The following SDK2 variants were observed in gnomAD, a reference collection of about 807,000 sequenced individuals.
SDK2 encodes the protein protein sidekick-2.
SDK2 carries 105 observed loss-of-function variants against 253.9 expected under a neutral mutation model. The observed-to-expected ratio is 0.41, with a 90% confidence interval of 0.35 to 0.49. The LOEUF (loss-of-function observed/expected upper bound fraction) is 0.49. Ranked by LOEUF, SDK2 falls within the 20% of genes least tolerant of loss-of-function variation. SDK2 has a pLI of 0.06. For missense variants in SDK2, 2,608 were observed against 3,003.0 expected (o/e 0.87, Z 3.07); for synonymous variants, 1,249 against 1,234.9 (o/e 1.01, Z -0.24).
At chr17:73,360,554 C>T (rs2062631694) in intron 39 of SDK2, among the ~76,000 whole-genome samples, 1 of 150,264 alleles carries the variant, frequency 6.7e-6, no homozygotes, top group South Asian at 2.1e-4. Context: ...GGACATTCTA[C>T]ACTGACCAGT....
At chr17:73,566,601 A>C (rs528354033) in intron 1 of SDK2, among the ~76,000 whole-genome samples, 11 of 152,314 alleles carry the variant, frequency 7.2e-5, no homozygotes, top group Non-Finnish European at 1.0e-4. Flanking sequence ...TATAGATAGC[A>C]AAGCCCAGGC....
In SDK2 at chr17:73,399,279, C is replaced by T. The variant is rs139261927; in HGVS notation, c.2982G>A (p.Gly994=). 8.1e-6 allele frequency: 13 copies of T among 1,613,500 alleles called. No individual in the cohort carries two copies. Among genetic ancestry groups the T allele is most frequent in the Middle Eastern group, 1.6e-4 (1 of 6,084 alleles). Residue 994 remains glycine, a synonymous_variant, in exon 22 of 45, where the codon GGG becomes GGA. Transcript: ENST00000392650. ...ISSGVPPELP[G]PPTNLGISNI... ...TGGAAATGCCCAGGTTGGTGGGGGG[C>T]CCTGGGAGTTCTGGAAAAGGAGAAC...
At chr17:73,354,401 C>T (rs4969109) in intron 40 of SDK2, among the ~76,000 whole-genome samples, 1 of 152,160 alleles carries the variant, frequency 6.6e-6, no homozygotes, top group African/African-American at 2.4e-5. Context: ...GGGTCAGGGA[C>T]GAGGCAAGCC....
intron 15 of SDK2, among the ~76,000 whole-genome samples, chr17:73,420,889 T>G (rs1225326710): frequency 6.6e-6 from 1 of 152,160 alleles, no homozygotes; most frequent in Non-Finnish European, 1.5e-5. Context: ...TTGGCCAGGC[T>G]GGTCTCGAAC....
At chr17:73,448,013 G>A (rs546698834) in intron 4 of SDK2, among the ~76,000 whole-genome samples, 28 of 152,212 alleles carry the variant, frequency 1.8e-4, no homozygotes, top group African/African-American at 6.5e-4. Context: ...CCACCCAAAG[G>A]AAGCTTCCCT....
intron 1 of SDK2, among the ~76,000 whole-genome samples, chr17:73,508,520 G>T (rs1289120001): frequency 6.6e-6 from 1 of 152,192 alleles, no homozygotes; most frequent in Non-Finnish European, 1.5e-5. Context: ...TGTGGATAGG[G>T]TGGGGCCGGG....
At chr17:73,350,209 C>CA (rs760646905) in intron 43 of SDK2, 28 bp downstream of exon 43, 3 of 1,529,000 alleles carry the variant, frequency 2.0e-6, no homozygotes, top group East Asian at 2.4e-5. Context: ...CTGGGCCTGG[C>CA]CCCCAACCCA....
chr17:73,544,586 A>T (rs563036556), intron 1 of SDK2, among the ~76,000 whole-genome samples: 1 of 152,310 alleles, frequency 6.6e-6, no homozygotes, highest in South Asian at 2.1e-4. Flanking sequence ...GTGTGTATGG[A>T]TGGACAGAAT....
In SDK2 at chr17:73,570,947, T is replaced by C. The variant is rs1599688547; in HGVS notation, c.65-63350A>G. Among the ~76,000 whole-genome samples the C allele has an allele frequency of 6.6e-6, 1 of 152,058 alleles. No individual in the cohort carries two copies. The highest frequency in any genetic ancestry group is 1.5e-5 in the Non-Finnish European group (1 of 68,000). On this transcript the variant is annotated intron_variant, in intron 1 of 44. Coordinates refer to ENST00000392650, the MANE Select transcript of SDK2 (RefSeq NM_001144952.2). This position sits in a 1 kb window ranked among gnomAD's most constrained non-coding sequence, Gnocchi z 4.2. Reference sequence around the variant, plus strand: ...CACAGCCTGGGGTCAAGGGTGACTATTGTGAGCCCTGGTCTGGTCCTGAGT... The same window carrying C: ...CACAGCCTGGGGTCAAGGGTGACTACTGTGAGCCCTGGTCTGGTCCTGAGT...
At chr17:73,636,680 CAAAAAAAAA>C (rs561026344) in intron 1 of SDK2, among the ~76,000 whole-genome samples, 14 of 50,988 alleles carry the variant, frequency 2.7e-4, no homozygotes, top group East Asian at 9.9e-4. Flanking sequence ...GACTCTGTCT[CAAAAAAAAA>C]AAAAAAAAAA....
chr17:73,495,763 A>G (rs923670086), intron 2 of SDK2, among the ~76,000 whole-genome samples: 1 of 152,056 alleles, frequency 6.6e-6, no homozygotes, highest in Non-Finnish European at 1.5e-5. Flanking sequence ...CGGGAGAAGG[A>G]CAGCCTGCTC....
rs897841795 is a variant in SDK2, at chr17:73,361,813, C to T, written c.5338G>A (p.Gly1780Arg). Residue 1780 changes from glycine (G) to arginine (R), a missense_variant, in exon 39 of 45, where the codon GGG becomes AGG. This residue lies in a region of SDK2 where 1,103 missense variants were observed against 1,143.9 expected (regional missense o/e 0.96). Transcript: ENST00000392650. The surrounding 1 kb of genome is among the most constrained non-coding windows in gnomAD (Gnocchi z 4.1). ...ACCTTCAGCCACAGGGGGCTGTTCC[C>T]CTTCACGTCCACGGTCACGATCTTG... The part of the protein sequence containing the change: ...VSKIVTVDVK[G>R]NSPLWLKVKD... The T allele has an allele frequency of 1.2e-6, 2 of 1,605,450 alleles. No homozygotes were observed. Among genetic ancestry groups the T allele is most frequent in the Admixed American group, 1.7e-5 (1 of 58,716 alleles).
intron 1 of SDK2, among the ~76,000 whole-genome samples, chr17:73,529,860 T>C (rs1461453955): frequency 2.0e-5 from 3 of 152,200 alleles, no homozygotes; most frequent in Admixed American, 6.5e-5. Flanking sequence ...TCTGAGATGA[T>C]ATATTTTTGT....
chr17:73,497,158 A>G (rs1473030988), intron 2 of SDK2, among the ~76,000 whole-genome samples: 1 of 152,278 alleles, frequency 6.6e-6, no homozygotes, highest in East Asian at 1.9e-4. Flanking sequence ...TTGGCCTCCC[A>G]AAGTGCTGGG....
intron 4 of SDK2, among the ~76,000 whole-genome samples, chr17:73,449,621 T>C (rs925875962): frequency 2.0e-5 from 3 of 149,478 alleles, no homozygotes; most frequent in African/African-American, 7.5e-5. Flanking sequence ...TTTTTTTTTT[T>C]TTTTCTGGAG....
chr17:73,385,350 G>A (rs2062863695), intron 32 of SDK2, among the ~76,000 whole-genome samples: 1 of 152,156 alleles, frequency 6.6e-6, no homozygotes, highest in Admixed American at 6.5e-5. Context: ...GGGTATGGAC[G>A]AAGGGGGGCA....
rs2062844319 is a variant in SDK2 at position 73,383,037 on chromosome 17, C to CA, written c.4705+838dup. ...GAGCGAGACTCTGTCTAAAAAAACC[C>CA]AAAAAACAAAAAAACCTCAAGTCCT... On this transcript the variant is annotated intron_variant, in intron 33 of 44. Coordinates refer to ENST00000392650, the MANE Select transcript of SDK2 (RefSeq NM_001144952.2). The surrounding 1 kb of genome is among the most constrained non-coding windows in gnomAD (Gnocchi z 4.3). Among the ~76,000 whole-genome samples, 1 of 151,942 alleles carries CA rather than the reference C, an allele frequency of 6.6e-6. No homozygotes were observed. The highest frequency in any genetic ancestry group is 1.5e-5 in the Non-Finnish European group (1 of 67,986).
chr17:73,385,976 C>A, intron 31 of SDK2, 59 bp from the exon 32 acceptor site: 2 of 1,271,132 alleles, frequency 1.6e-6, no homozygotes, highest in Non-Finnish European at 2.2e-6. Flanking sequence ...TCCCCAGGAG[C>A]CCACTGAGAC....
At chr17:73,539,997 G>A (rs889902862) in intron 1 of SDK2, among the ~76,000 whole-genome samples, 1 of 145,582 alleles carries the variant, frequency 6.9e-6, no homozygotes, top group East Asian at 2.1e-4. Context: ...ACCCAGGATG[G>A]GCAGCCCCCA....
Sources: gnomAD v4.1 joint callset for allele counts (sites outside exome capture counted in the v4.1 genomes callset) on GRCh38, gnomAD v4.1.1 for gene constraint, gnomAD v4.1.1 regional missense constraint, Gnocchi (gnomAD v3.1) non-coding constraint, MANE v1.5 for transcripts, NCBI Gene and HGNC (gene_info 2026-07-23, HGNC 2026-07-21) for gene names.